ZCCHC7: variants seen among roughly 807,000 people sequenced by gnomAD.
ZCCHC7 encodes zinc finger CCHC-type containing 7, also known as zinc finger CCHC domain-containing protein 7.
ZCCHC7 carries 35 observed loss-of-function variants against 52.0 expected under a neutral mutation model. The observed-to-expected ratio is 0.67, with a 90% confidence interval of 0.51 to 0.89. ZCCHC7 has a LOEUF of 0.89. Ranked by LOEUF, ZCCHC7 falls within the 40% of genes least tolerant of loss-of-function variation. The probability of loss-of-function intolerance (pLI) is 0.00; values close to 1 mark genes in which losing one functional copy is unlikely to be tolerated. For missense variants in ZCCHC7, 574 were observed against 649.1 expected (o/e 0.88, Z 1.26); for synonymous variants, 217 against 221.5 (o/e 0.98, Z 0.18).
chr9:37,338,056 G>A (rs573043787), intron 6 of ZCCHC7, among the ~76,000 whole-genome samples: 1 of 152,254 alleles, frequency 6.6e-6, no homozygotes, highest in Non-Finnish European at 1.5e-5. Flanking sequence ...AAATTGGGAT[G>A]CTTTTTAAGC....
At chr9:37,249,456 C>CTT (rs60166399) in intron 2 of ZCCHC7, among the ~76,000 whole-genome samples, 12,799 of 110,854 alleles carry the variant, frequency 0.12, 1,054 homozygotes, top group Non-Finnish European at 0.16. Flanking sequence ...CTTCTTCTTC[C>CTT]TTTTTTTTTT....
intron 2 of ZCCHC7, among the ~76,000 whole-genome samples, chr9:37,133,431 A>G (rs886079239): frequency 6.8e-6 from 1 of 148,076 alleles, no homozygotes; most frequent in Non-Finnish European, 1.5e-5. Flanking sequence ...GGTGGATTGC[A>G]GTGGTGCAGT....
At chr9:37,335,343 T>C (rs1050659264) in intron 6 of ZCCHC7, among the ~76,000 whole-genome samples, 1 of 152,110 alleles carries the variant, frequency 6.6e-6, no homozygotes, top group Non-Finnish European at 1.5e-5. Context: ...TTTATCATAA[T>C]AGAGAAAAGA....
intron 6 of ZCCHC7, among the ~76,000 whole-genome samples, chr9:37,337,660 A>G (rs1349916966): frequency 6.6e-6 from 1 of 152,136 alleles, no homozygotes; most frequent in East Asian, 1.9e-4. Context: ...GTCCATTTGC[A>G]CCAGGAAATA....
intron 2 of ZCCHC7, among the ~76,000 whole-genome samples, chr9:37,153,607 C>T (rs1194484245): frequency 6.6e-6 from 1 of 151,868 alleles, no homozygotes; most frequent in Admixed American, 6.5e-5. Context: ...GCCACTGCAC[C>T]TGGCCTTTCT....
At chr9:37,230,765 T>C (rs1825364017) in intron 2 of ZCCHC7, among the ~76,000 whole-genome samples, 1 of 152,166 alleles carries the variant, frequency 6.6e-6, no homozygotes, top group African/African-American at 2.4e-5. Context: ...TAGCTGGACC[T>C]CAGACTAGAT....
At chr9:37,190,946 C>T (rs1320150696) in intron 2 of ZCCHC7, among the ~76,000 whole-genome samples, 2 of 151,284 alleles carry the variant, frequency 1.3e-5, no homozygotes, top group African/African-American at 2.4e-5. Flanking sequence ...TGCTTGAACC[C>T]GGGAGGCGGA....
At chr9:37,315,947 A>C (rs1270513750) in intron 5 of ZCCHC7, among the ~76,000 whole-genome samples, 4 of 150,846 alleles carry the variant, frequency 2.7e-5, no homozygotes, top group African/African-American at 9.7e-5. Context: ...TAATGGACTT[A>C]AAAAAGTAAA....
intron 2 of ZCCHC7, among the ~76,000 whole-genome samples, chr9:37,140,629 C>T (rs1387011188): frequency 6.6e-6 from 1 of 151,832 alleles, no homozygotes; most frequent in Non-Finnish European, 1.5e-5. Flanking sequence ...TGAGATGATT[C>T]AGTTTGGGAG....
At chr9:37,249,516 G>A (rs1826224069) in intron 2 of ZCCHC7, among the ~76,000 whole-genome samples, 1 of 136,768 alleles carries the variant, frequency 7.3e-6, no homozygotes, top group Non-Finnish European at 1.5e-5. Context: ...CTGTCGCCAC[G>A]CTGGAGTCCA....
chr9:37,156,852 T>G (rs1036981752), intron 2 of ZCCHC7, among the ~76,000 whole-genome samples: 2 of 152,190 alleles, frequency 1.3e-5, no homozygotes, highest in African/African-American at 4.8e-5. Context: ...AATGTTCTTA[T>G]GTTAAAACAT....
chr9:37,260,909 G>A (rs1826836019), intron 2 of ZCCHC7, among the ~76,000 whole-genome samples: 1 of 152,108 alleles, frequency 6.6e-6, no homozygotes, highest in Non-Finnish European at 1.5e-5. Context: ...TGTTGATTTA[G>A]TTTGCTGTGT....
chr9:37,345,883 T>G (rs1820932958), intron 6 of ZCCHC7, among the ~76,000 whole-genome samples: 1 of 152,212 alleles, frequency 6.6e-6, no homozygotes, highest in Non-Finnish European at 1.5e-5. Context: ...TAGGAAAGAT[T>G]ATTGAGGTTA....
chr9:37,262,198 G>C (rs1255643972), intron 2 of ZCCHC7, among the ~76,000 whole-genome samples: 1 of 149,230 alleles, frequency 6.7e-6, no homozygotes, highest in East Asian at 1.9e-4. Flanking sequence ...TTTTGAACTT[G>C]GTTGGTAGAA....
chr9:37,287,120 C>T (rs1042338891), intron 2 of ZCCHC7, among the ~76,000 whole-genome samples: 1 of 142,988 alleles, frequency 7.0e-6, no homozygotes, highest in African/African-American at 2.6e-5. Flanking sequence ...ACCTCTGCCT[C>T]CCGGGCTCTA....
chr9:37,345,312 A>C (rs1820889998), intron 6 of ZCCHC7, among the ~76,000 whole-genome samples: 1 of 152,218 alleles, frequency 6.6e-6, no homozygotes, highest in Non-Finnish European at 1.5e-5. Context: ...CAAATAATAT[A>C]GCTGTCTTTG....
At chr9:37,287,252 T>C (rs776183334) in intron 2 of ZCCHC7, among the ~76,000 whole-genome samples, 1 of 151,266 alleles carries the variant, frequency 6.6e-6, no homozygotes, top group East Asian at 2.0e-4. Flanking sequence ...CTTTTTGTAT[T>C]ATACATATTT....
At chr9:37,229,778 A>G (rs1419365000) in intron 2 of ZCCHC7, among the ~76,000 whole-genome samples, 1 of 152,206 alleles carries the variant, frequency 6.6e-6, no homozygotes, top group Non-Finnish European at 1.5e-5. Context: ...AGATTAAACT[A>G]TGCCAGTTAC....
At chr9:37,152,585 G>A (rs1820589991) in intron 2 of ZCCHC7, among the ~76,000 whole-genome samples, 1 of 152,046 alleles carries the variant, frequency 6.6e-6, no homozygotes, top group African/African-American at 2.4e-5. Context: ...GGAATGTTAG[G>A]TATTTTATAG....
Sources: gnomAD v4.1 joint callset for allele counts (sites outside exome capture counted in the v4.1 genomes callset) on GRCh38, gnomAD v4.1.1 for gene constraint, MANE v1.5 for transcripts, NCBI Gene and HGNC (gene_info 2026-07-23, HGNC 2026-07-21) for gene names.